ZCRB1: variants seen among roughly 807,000 people sequenced by gnomAD.
The protein encoded by ZCRB1 is zinc finger CCHC-type and RNA binding motif containing 1, also known as zinc finger CCHC-type and RNA-binding motif-containing protein 1.
ZCRB1 carries 21 observed loss-of-function variants against 29.9 expected under a neutral mutation model. The observed-to-expected ratio is 0.70, with a 90% CI of 0.50 to 1.01. The LOEUF (loss-of-function observed/expected upper bound fraction) is 1.01, where lower values mean the gene tolerates loss of function less well. Ranked by LOEUF, ZCRB1 falls within the 50% of genes least tolerant of loss-of-function variation. ZCRB1 has a pLI of 0.00. For missense variants in ZCRB1, 204 were observed against 253.3 expected, an observed-to-expected ratio of 0.81 and a Z score of 1.32; for synonymous variants, 77 against 80.0, an observed-to-expected ratio of 0.96 and a Z score of 0.20.
chr12:42,317,732 T>C (rs1372956606), intron 4 of ZCRB1, 55 bp downstream of exon 4: 2 of 1,517,502 alleles, frequency 1.3e-6, no homozygotes, highest in Non-Finnish European at 1.8e-6. Flanking sequence ...ATTTTTGGCC[T>C]GGATGAGCAT....
intron 2 of ZCRB1, chr12:42,323,619 T>C (rs952661083): frequency 1.8e-5 from 3 of 164,720 alleles, no homozygotes; most frequent in Non-Finnish European, 3.9e-5. Flanking sequence ...TCAATAAATA[T>C]AGCTTCTATT....
chr12:42,312,806 T>TAACA lies in ZCRB1; in HGVS notation c.*257_*260dup, dbSNP rs1470863891. The stretch of plus-strand genomic sequence containing the variant: ...CTCTTGAAAAGTTTATTAATATAAG[T>TAACA]AACAATAAATCATTCAACTTTTCGG... On this transcript the variant is annotated 3_prime_UTR_variant, in exon 8 of 8. Transcript: ENST00000266529. The TAACA allele has an allele frequency of 8.9e-6, 2 of 224,916 alleles. No homozygotes were observed. The highest frequency in any genetic ancestry group is 4.5e-5 in the African/African-American group (2 of 44,156). 13.9% of individuals were successfully genotyped at this position (224,916 alleles called of 1,614,324 possible).
At chr12:42,318,085 C>T (rs2068603622) in intron 3 of ZCRB1, among the ~76,000 whole-genome samples, 187 bp from the exon 4 acceptor site, 1 of 152,088 alleles carries the variant, frequency 6.6e-6, no homozygotes, top group South Asian at 2.1e-4. Context: ...ACTGATTTAA[C>T]AGAAGTGAGC....
rs755206066 is a variant in ZCRB1 at position 42,312,430 on chromosome 12, T to C, written c.*637A>G. 2.6e-5 allele frequency: 4 copies of C among 152,162 alleles called. No homozygotes were observed. The highest frequency in any genetic ancestry group is 4.4e-5 in the Non-Finnish European group (3 of 68,012). The allele number at this position is 152,162 out of a possible 1,614,324, so 9.4% of individuals were successfully genotyped here. On this transcript the variant is annotated 3_prime_UTR_variant, in exon 8 of 8. Transcript: ENST00000266529. ...ACTTGGTTATTAAAAAAGATATATA[T>C]GGATTCCCCCAAATTTTTAATACAG...
chr12:42,323,810 G>A (rs749709665), intron 2 of ZCRB1: 1 of 550,142 alleles, frequency 1.8e-6, no homozygotes, highest in East Asian at 3.1e-5. Flanking sequence ...CTACTTGGGA[G>A]GATGAGGTGG....
At chr12:42,317,070 G>A (rs2068598173) in intron 5 of ZCRB1, among the ~76,000 whole-genome samples, 1 of 152,118 alleles carries the variant, frequency 6.6e-6, no homozygotes, top group South Asian at 2.1e-4. Flanking sequence ...TAACCAGGGT[G>A]TGATGGTGCA....
At chr12:42,324,126 T>C (rs1246198740) in intron 1 of ZCRB1, 22 bp from the exon 2 acceptor site, 1 of 1,599,822 alleles carries the variant, frequency 6.3e-7, no homozygotes. Context: ...AACAAACTTA[T>C]CAGCAATCAG....
intron 3 of ZCRB1, 43 bp downstream of exon 3, chr12:42,322,375 T>A (rs1007433051): frequency 3.5e-6 from 5 of 1,430,218 alleles, no homozygotes; most frequent in Non-Finnish European, 2.8e-6. Context: ...CAAATTCAGA[T>A]AAACTTTTAA....
In ZCRB1 at chr12:42,323,728, C is replaced by T. The variant is rs2068633418; in HGVS notation, c.84+291G>A. ...CTCACTGTCGCCTCGACCTCCTAGGCTCAAGCAATCTTCCAACCTCAGTCT... is the reference window on the plus strand; with the variant it reads ...CTCACTGTCGCCTCGACCTCCTAGGTTCAAGCAATCTTCCAACCTCAGTCT... On this transcript the variant is annotated intron_variant, in intron 2 of 7. Coordinates refer to ENST00000266529, the MANE Select transcript of ZCRB1 (RefSeq NM_033114.4). The T allele has an allele frequency of 2.1e-5, 7 of 335,646 alleles. No individual in the cohort carries two copies. The Admixed American group carries it at 3.1e-4, about 15-fold the overall frequency. The allele number at this position is 335,646 out of a possible 1,614,324, so 20.8% of individuals were successfully genotyped here.
intron 1 of ZCRB1, 114 bp from the exon 2 acceptor site, chr12:42,324,218 G>A (rs977481495): frequency 1.1e-5 from 9 of 836,770 alleles, no homozygotes; most frequent in East Asian, 7.9e-5. Flanking sequence ...GCGTGATCTC[G>A]GCTCACTGCA....
intron 1 of ZCRB1, chr12:42,325,250 T>C (rs367705953): frequency 3.9e-5 from 6 of 152,358 alleles, no homozygotes; most frequent in African/African-American, 1.4e-4. Flanking sequence ...GTACCTTTTT[T>C]GCTTGTCTTA....
chr12:42,313,479 G>T (rs1001773968), intron 7 of ZCRB1, among the ~76,000 whole-genome samples: 1 of 152,174 alleles, frequency 6.6e-6, no homozygotes, highest in Non-Finnish European at 1.5e-5. Context: ...GATTAAGATA[G>T]TAAGTGTTGT....
chr12:42,324,334 G>C (rs2068645293), intron 1 of ZCRB1, among the ~76,000 whole-genome samples: 1 of 152,100 alleles, frequency 6.6e-6, no homozygotes, highest in South Asian at 2.1e-4. Context: ...TTTTAGTAGA[G>C]ACAGTGTTTC....
intron 2 of ZCRB1, 134 bp downstream of exon 2, chr12:42,323,885 C>G (rs562759155): frequency 2.6e-6 from 2 of 758,054 alleles, no homozygotes; most frequent in Non-Finnish European, 4.3e-6. Context: ...ACTACAGCCT[C>G]GTGCCTCAGT....
In ZCRB1 at chr12:42,312,974, G is replaced by C; in HGVS notation, c.*93C>G. ...GGGATGACAATAATAGTATTAACAT[G>C]ATAGTATTAATTTTTCTTATTTTTA... is the stretch of plus-strand genomic sequence containing the variant. On this transcript the variant is annotated 3_prime_UTR_variant, in exon 8 of 8. Transcript: ENST00000266529. 1 of 1,222,248 alleles carries C rather than the reference G, an allele frequency of 8.2e-7. No individual in the cohort carries two copies. Among genetic ancestry groups the C allele is most frequent in the Non-Finnish European group, 1.1e-6 (1 of 926,754 alleles). 75.7% of individuals were successfully genotyped at this position (1,222,248 alleles called of 1,614,324 possible).
intron 5 of ZCRB1, 33 bp from the exon 6 acceptor site, chr12:42,314,019 T>C: frequency 2.5e-6 from 4 of 1,569,396 alleles, no homozygotes; most frequent in Non-Finnish European, 3.4e-6. Context: ...AAAGGAAAAA[T>C]ACCATATTTG....
In ZCRB1 at chr12:42,325,952, G is replaced by C. The variant is rs1203863459; in HGVS notation, c.-31C>G. 1.3e-5 allele frequency: 2 copies of C among 152,352 alleles called. No individual in the cohort carries two copies. The highest frequency in any genetic ancestry group is 2.4e-5 in the African/African-American group (1 of 41,472). The allele number at this position is 152,352 out of a possible 1,614,324, so 9.4% of individuals were successfully genotyped here. On this transcript the variant is annotated 5_prime_UTR_variant, in exon 1 of 8. Transcript: ENST00000266529. ...CAGGTGGGTTGGGCCTGGGAGACCAGAAGAGTGCGAGCCCTCGGCTCAGCT... is the reference window on the plus strand; with the variant it reads ...CAGGTGGGTTGGGCCTGGGAGACCACAAGAGTGCGAGCCCTCGGCTCAGCT...
chr12:42,316,652 A>G (rs1214546883), intron 5 of ZCRB1, among the ~76,000 whole-genome samples: 2 of 150,644 alleles, frequency 1.3e-5, no homozygotes, highest in Non-Finnish European at 2.9e-5. Context: ...ACAATATCCC[A>G]TAGAGGATAA....
At chr12:42,314,326 G>A (rs981076880) in intron 5 of ZCRB1, among the ~76,000 whole-genome samples, 6 of 145,194 alleles carry the variant, frequency 4.1e-5, no homozygotes, top group Non-Finnish European at 6.0e-5. Flanking sequence ...TTGGGAAGCC[G>A]AGGTGGGTGG....
Sources: gnomAD v4.1 joint callset for allele counts (sites outside exome capture counted in the v4.1 genomes callset) on GRCh38, gnomAD v4.1.1 for gene constraint, MANE v1.5 for transcripts, NCBI Gene and HGNC (gene_info 2026-07-23, HGNC 2026-07-21) for gene names.